The following JMJD1C variants were observed in gnomAD, a reference collection of about 807,000 sequenced individuals.
The protein encoded by JMJD1C is jumonji domain-containing protein 1C.
A neutral mutation model predicts 245.3 loss-of-function variants in JMJD1C; 31 were observed. The ratio of observed to expected loss-of-function variants is 0.13; its 90% CI spans 0.09 to 0.17. The LOEUF (loss-of-function observed/expected upper bound fraction) is 0.17. Ranked by LOEUF, JMJD1C falls within the 10% of genes least tolerant of loss-of-function variation. The pLI is 1.00. For missense variants in JMJD1C, 2,691 were observed against 3,000.2 expected (o/e 0.90, Z 2.41); for synonymous variants, 1,057 against 1,017.4 (o/e 1.04, Z -0.74).
chr10:63,330,193 C>T (rs1286590247), intron 2 of JMJD1C, among the ~76,000 whole-genome samples: 1 of 152,204 alleles, frequency 6.6e-6, no homozygotes, highest in Non-Finnish European at 1.5e-5. Context: ...TGAGCCACCA[C>T]ACCCGGCCCT....
rs1246651787 is a variant in JMJD1C, at chr10:63,232,406, A to G, written c.448-12423T>C. On this transcript the variant is annotated intron_variant, in intron 3 of 25. Transcript: ENST00000399262. ...GTCCTTTACAATGACAACATAATTT[A>G]CTTTTATCTATGAAAAGAAATGAAA... 2.0e-5 allele frequency among the ~76,000 whole-genome samples: 3 copies of G among 152,328 alleles called. No individual in the cohort carries two copies. In the East Asian group the frequency reaches 5.8e-4, roughly 29 times the overall value.
intron 1 of JMJD1C, among the ~76,000 whole-genome samples, chr10:63,472,914 A>T (rs1953537720): frequency 6.6e-6 from 1 of 151,988 alleles, no homozygotes; most frequent in African/African-American, 2.4e-5. Flanking sequence ...CCTCCCGAGT[A>T]GGTGGGACTA....
intron 24 of JMJD1C, among the ~76,000 whole-genome samples, chr10:63,176,081 T>C (rs966006924): frequency 3.3e-5 from 5 of 152,298 alleles, no homozygotes; most frequent in South Asian, 2.1e-4. Context: ...AGTATACAAA[T>C]AGAAATCTGG....
At position 63,465,690 on chromosome 10, in the gene JMJD1C, C is replaced by T. The variant is rs1054693; in HGVS notation, c.-28G>A. Reference sequence around the variant, plus strand: ...CTGTCGCTGCCGAAGCGGCCGCTGCCTCCTCCAGTGCGAGGGAACCGATGA... The same window carrying T: ...CTGTCGCTGCCGAAGCGGCCGCTGCTTCCTCCAGTGCGAGGGAACCGATGA... On this transcript the variant is annotated 5_prime_UTR_variant, in exon 1 of 26. Transcript: ENST00000399262. The T allele has an allele frequency of 0.27, 433,695 of 1,602,892 alleles. 64,001 individuals are homozygous for T. The highest frequency in any genetic ancestry group is 0.31 in the Non-Finnish European group (359,796 of 1,178,498).
chr10:63,259,935 C>G (rs968454446), intron 3 of JMJD1C, among the ~76,000 whole-genome samples: 6 of 152,126 alleles, frequency 3.9e-5, no homozygotes, highest in African/African-American at 1.4e-4. Flanking sequence ...GAGTTTCACT[C>G]TTATTGCCCA....
At chr10:63,209,533 G>C (rs1489295293) in intron 8 of JMJD1C, among the ~76,000 whole-genome samples, 1 of 151,980 alleles carries the variant, frequency 6.6e-6, no homozygotes, top group African/African-American at 2.4e-5. Flanking sequence ...GCCATATACA[G>C]AACCTAGTTT....
intron 1 of JMJD1C, among the ~76,000 whole-genome samples, chr10:63,395,504 A>C (rs1172266164): frequency 1.3e-5 from 2 of 152,104 alleles, no homozygotes; most frequent in Middle Eastern, 3.2e-3. Context: ...AAAATTTTTA[A>C]AACTGCCCAA....
At chr10:63,433,675 T>G (rs1950908666) in intron 1 of JMJD1C, among the ~76,000 whole-genome samples, 1 of 149,790 alleles carries the variant, frequency 6.7e-6, no homozygotes, top group Admixed American at 6.7e-5. Flanking sequence ...AGTTTCGACC[T>G]CTGGCACTCA....
intron 1 of JMJD1C, among the ~76,000 whole-genome samples, chr10:63,412,667 T>A (rs1589698711): frequency 6.6e-6 from 1 of 152,242 alleles, no homozygotes; most frequent in East Asian, 1.9e-4. Context: ...TAGTGCCATG[T>A]CACGTCTCTG....
intron 1 of JMJD1C, among the ~76,000 whole-genome samples, chr10:63,513,289 C>A (rs191478068): frequency 1.1e-4 from 16 of 152,190 alleles, no homozygotes; most frequent in African/African-American, 1.4e-4. Flanking sequence ...CCTACCTTTA[C>A]CATATACAAA....
intron 3 of JMJD1C, among the ~76,000 whole-genome samples, chr10:63,250,885 T>G (rs1210010799): frequency 6.6e-6 from 1 of 152,044 alleles, no homozygotes; most frequent in Middle Eastern, 3.2e-3. Flanking sequence ...GGACTACAGG[T>G]GCATGGCACC....
At position 63,264,779 on chromosome 10, in the gene JMJD1C, A is replaced by C. The variant is rs774547360; in HGVS notation, c.334-15T>G. 3 of 1,227,238 alleles carry C rather than the reference A, an allele frequency of 2.4e-6. No individual in the cohort carries two copies. Among genetic ancestry groups the C allele is most frequent in the Admixed American group, 2.0e-5 (1 of 49,920 alleles). 76.0% of individuals were successfully genotyped at this position (1,227,238 alleles called of 1,614,324 possible). A position where few individuals can be genotyped will look rare whatever the true frequency, so the allele number is the denominator to read the frequency against. On this transcript the variant is annotated splice_polypyrimidine_tract_variant and intron_variant, in intron 2 of 25. Coordinates refer to ENST00000399262, the MANE Select transcript of JMJD1C (RefSeq NM_032776.3). ...GGTTTGAAAGTCTGCCAAGAAAAAA[A>C]AAATTTCTAATGATAATTTTCTGGG...
intron 2 of JMJD1C, among the ~76,000 whole-genome samples, chr10:63,275,161 G>C (rs1856665901): frequency 6.6e-6 from 1 of 152,164 alleles, no homozygotes. Context: ...CAAAAATCTT[G>C]TTTATAGAAG....
At chr10:63,262,068 AAG>A (rs1268575926) in intron 3 of JMJD1C, among the ~76,000 whole-genome samples, 1 of 152,230 alleles carries the variant, frequency 6.6e-6, no homozygotes, top group African/African-American at 2.4e-5. Flanking sequence ...AAAAGTGAGA[AAG>A]AAATAAGCTC....
chr10:63,391,466 C>T (rs146967274), intron 1 of JMJD1C, among the ~76,000 whole-genome samples: 20 of 152,088 alleles, frequency 1.3e-4, no homozygotes, highest in African/African-American at 4.6e-4. Flanking sequence ...GCCATGATTG[C>T]GCCACTGCAC....
intron 1 of JMJD1C, among the ~76,000 whole-genome samples, chr10:63,486,162 A>C (rs202210237): frequency 0.39 from 23,822 of 61,494 alleles, 2,360 homozygotes; most frequent in Non-Finnish European, 0.51. Context: ...AAAAAAAAAA[A>C]AAAAAACAAA....
intron 1 of JMJD1C, among the ~76,000 whole-genome samples, chr10:63,384,772 T>C (rs554346064): frequency 1.8e-4 from 27 of 152,240 alleles, no homozygotes; most frequent in African/African-American, 4.6e-4. Context: ...AACAAGAGAG[T>C]TGGCCTGTCC....
chr10:63,281,562 C>G (rs185456102), intron 2 of JMJD1C, among the ~76,000 whole-genome samples: 111 of 147,358 alleles, frequency 7.5e-4, no homozygotes, highest in African/African-American at 2.8e-3. Context: ...CCTCTGCCTC[C>G]CGGGTTCAAG....
At chr10:63,508,069 T>A (rs1350305983) in intron 1 of JMJD1C, among the ~76,000 whole-genome samples, 1 of 151,928 alleles carries the variant, frequency 6.6e-6, no homozygotes, top group Non-Finnish European at 1.5e-5. Context: ...AAAAAAAAAA[T>A]TAACTTTAAT....
Sources: allele counts gnomAD v4.1 joint callset (sites outside exome capture counted in the v4.1 genomes callset), GRCh38; gene constraint gnomAD v4.1.1; transcripts MANE v1.5; gene names NCBI Gene and HGNC (gene_info 2026-07-23, HGNC 2026-07-21).